ANKHD1: variants seen among roughly 807,000 people sequenced by gnomAD.
The protein encoded by ANKHD1 is ankyrin repeat and KH domain-containing protein 1.
ANKHD1 carries 31 observed loss-of-function variants against 230.5 expected under a neutral mutation model. The ratio of observed to expected loss-of-function variants is 0.13; its 90% CI spans 0.10 to 0.18. The LOEUF (loss-of-function observed/expected upper bound fraction) is 0.18. Ranked by LOEUF, ANKHD1 falls within the 10% of genes least tolerant of loss-of-function variation. The pLI is 1.00. For missense variants in ANKHD1, 2,256 were observed against 3,071.3 expected, an observed-to-expected ratio of 0.73 and a Z score of 6.27; for synonymous variants, 1,074 against 1,117.6, an observed-to-expected ratio of 0.96 and a Z score of 0.78.
intron 7 of ANKHD1, among the ~76,000 whole-genome samples, chr5:140,456,115 T>C (rs1046846274): frequency 6.6e-6 from 1 of 152,112 alleles, no homozygotes; most frequent in Non-Finnish European, 1.5e-5. Flanking sequence ...TCACAATTGC[T>C]TCAAAGAGAA....
chr5:140,478,462 ATG>A (rs1299710264), intron 10 of ANKHD1, among the ~76,000 whole-genome samples: 2 of 151,852 alleles, frequency 1.3e-5, no homozygotes, highest in East Asian at 1.9e-4. Context: ...CAATCAATAA[ATG>A]TGAATGCTCA....
chr5:140,490,391 C>T (rs929361634), intron 14 of ANKHD1, among the ~76,000 whole-genome samples: 1 of 152,122 alleles, frequency 6.6e-6, no homozygotes, highest in African/African-American at 2.4e-5. Flanking sequence ...TTTCATGCCC[C>T]ATGTGTACCA....
At chr5:140,480,999 G>A (rs764617858) in intron 10 of ANKHD1, among the ~76,000 whole-genome samples, 1 of 151,988 alleles carries the variant, frequency 6.6e-6, no homozygotes, top group Non-Finnish European at 1.5e-5. Flanking sequence ...AGGAAGTTCA[G>A]GGAGGTCTTC....
intron 10 of ANKHD1, among the ~76,000 whole-genome samples, chr5:140,479,493 C>T (rs1362572587): frequency 6.6e-6 from 1 of 151,838 alleles, no homozygotes; most frequent in East Asian, 1.9e-4. Flanking sequence ...ATCCAATGCT[C>T]ATAAGTAGTA....
intron 14 of ANKHD1, among the ~76,000 whole-genome samples, chr5:140,493,621 T>G (rs1431487541): frequency 1.3e-5 from 2 of 152,242 alleles, no homozygotes; most frequent in African/African-American, 4.8e-5. Flanking sequence ...CAATCTGTTT[T>G]ATTCTTGATG....
chr5:140,417,145 T>G (rs1174949047), intron 1 of ANKHD1, among the ~76,000 whole-genome samples: 4 of 151,940 alleles, frequency 2.6e-5, no homozygotes, highest in Non-Finnish European at 5.9e-5. Context: ...AATCCTTATT[T>G]TTTCCTGATT....
chr5:140,518,217 A>G (rs1243045036), intron 24 of ANKHD1, among the ~76,000 whole-genome samples: 1 of 151,880 alleles, frequency 6.6e-6, no homozygotes, highest in Non-Finnish European at 1.5e-5. Context: ...CGACACATAC[A>G]CTCTCCCAAG....
chr5:140,485,663 AAAT>A lies in ANKHD1; in HGVS notation c.2077_2079del (p.Asn693del). 1 of 1,614,090 alleles carries A rather than the reference AAAT, an allele frequency of 6.2e-7. No individual in the cohort carries two copies. The highest frequency in any genetic ancestry group is 8.5e-7 in the Non-Finnish European group (1 of 1,179,994). On this transcript the variant is annotated inframe_deletion, in exon 13 of 34. Coordinates refer to ENST00000360839, the MANE Select transcript of ANKHD1 (RefSeq NM_017747.3). This position sits in a 1 kb window ranked among gnomAD's most constrained non-coding sequence, Gnocchi z 4.8. ...TAGTTTCTTATCTGTTGGATTATCC[AAAT>A]AATGTTCTGTCAGTTCCCACCACAG...
intron 24 of ANKHD1, among the ~76,000 whole-genome samples, chr5:140,519,843 A>C (rs1414453488): frequency 1.3e-5 from 2 of 152,028 alleles, no homozygotes; most frequent in African/African-American, 2.4e-5. Context: ...AAACCTAGGC[A>C]TTACCATTCA....
intron 7 of ANKHD1, among the ~76,000 whole-genome samples, chr5:140,454,311 A>G (rs1395319475): frequency 6.6e-6 from 1 of 152,138 alleles, no homozygotes; most frequent in East Asian, 1.9e-4. Flanking sequence ...ACAAGACAGA[A>G]AGTTAACAAG....
chr5:140,428,766 A>G (rs1772769447), intron 1 of ANKHD1, among the ~76,000 whole-genome samples: 2 of 151,954 alleles, frequency 1.3e-5, no homozygotes, highest in Non-Finnish European at 2.9e-5. Flanking sequence ...TAACCAGCCT[A>G]GAATATTCTT....
At position 140,445,903 on chromosome 5, in the gene ANKHD1, G is replaced by C. The variant is rs1183949037; in HGVS notation, c.1075G>C (p.Asp359His). Reference protein sequence around the residue: ...GHVEVARVLLDHGAGINTHSN... With the variant: ...GHVEVARVLLHHGAGINTHSN... ...TGTGGAAGTTGCAAGAGTTCTTTTA[G>C]ATCATGGTGCAGGCATCAACACTCA... Residue 359 changes from aspartate to histidine, a missense_variant, in exon 6 of 34, where the codon GAT becomes CAT. Physicochemically the swap from Asp to His is moderately conservative, Grantham distance 81. Coordinates refer to ENST00000360839, the MANE Select transcript of ANKHD1 (RefSeq NM_017747.3). 1 of 1,613,496 alleles carries C rather than the reference G, an allele frequency of 6.2e-7. No individual in the cohort carries two copies. Among genetic ancestry groups the C allele is most frequent in the East Asian group, 2.2e-5 (1 of 44,842 alleles).
At chr5:140,428,883 A>T (rs919176561) in intron 1 of ANKHD1, among the ~76,000 whole-genome samples, 1 of 151,610 alleles carries the variant, frequency 6.6e-6, no homozygotes, top group Non-Finnish European at 1.5e-5. Context: ...CCTGGGTTCA[A>T]GCGATTCTCG....
intron 4 of ANKHD1, 114 bp downstream of exon 4, chr5:140,440,380 A>G (rs1773761958): frequency 2.2e-6 from 3 of 1,386,776 alleles, no homozygotes; most frequent in African/African-American, 3.0e-5. Context: ...CTCTTCCCCC[A>G]TCCTCCTTCC....
chr5:140,461,883 A>G (rs1256521810), intron 9 of ANKHD1, among the ~76,000 whole-genome samples: 1 of 152,098 alleles, frequency 6.6e-6, no homozygotes, highest in African/African-American at 2.4e-5. Context: ...ATCTGTATGT[A>G]TGTGTTTAGT....
intron 15 of ANKHD1, among the ~76,000 whole-genome samples, chr5:140,500,538 C>T (rs1424675918): frequency 6.7e-6 from 1 of 149,472 alleles, no homozygotes; most frequent in African/African-American, 2.5e-5. Context: ...ATCCCAGCTA[C>T]TTGGGGGGCT....
chr5:140,521,622 TG>T (rs1045068157), intron 24 of ANKHD1, among the ~76,000 whole-genome samples: 44 of 152,328 alleles, frequency 2.9e-4, no homozygotes, highest in African/African-American at 1.1e-3. Flanking sequence ...GCCACATAAA[TG>T]TTTTTTTAAA....
chr5:140,485,060 T>C lies in ANKHD1; in HGVS notation c.1871-61T>C, dbSNP rs1751442616. The C allele has an allele frequency of 5.2e-6, 8 of 1,533,808 alleles. No individual in the cohort carries two copies. The Admixed American group carries it at 7.8e-5, about 15-fold the overall frequency. ...CTTCACAAAAAATTTTTAAATGATATTGACTATGAACTAGCTTGATGTCAA... is the reference window on the plus strand; with the variant it reads ...CTTCACAAAAAATTTTTAAATGATACTGACTATGAACTAGCTTGATGTCAA... On this transcript the variant is annotated intron_variant, in intron 11 of 33. Coordinates refer to ENST00000360839, the MANE Select transcript of ANKHD1 (RefSeq NM_017747.3). The surrounding 1 kb of genome is among the most constrained non-coding windows in gnomAD (Gnocchi z 4.8).
At chr5:140,474,167 A>T (rs2127001200) in intron 10 of ANKHD1, among the ~76,000 whole-genome samples, 1 of 152,308 alleles carries the variant, frequency 6.6e-6, no homozygotes, top group East Asian at 1.9e-4. Flanking sequence ...AAGCCTTAGG[A>T]CCAGTGCCTC....
Sources: gnomAD v4.1 joint callset for allele counts (sites outside exome capture counted in the v4.1 genomes callset) on GRCh38, gnomAD v4.1.1 for gene constraint, Gnocchi (gnomAD v3.1) non-coding constraint, MANE v1.5 for transcripts, NCBI Gene and HGNC (gene_info 2026-07-23, HGNC 2026-07-21) for gene names.